The following TECRL variants were observed in gnomAD, a reference collection of about 807,000 sequenced individuals.
TECRL encodes trans-2,3-enoyl-CoA reductase-like.
A neutral mutation model predicts 52.8 loss-of-function variants in TECRL; 63 were observed. The observed-to-expected ratio is 1.19, with a 90% CI of 0.97 to 1.47. TECRL has a LOEUF of 1.47. Among genes scored for constraint, TECRL ranks in the 40% most tolerant of loss-of-function variants. The pLI is 0.00. For missense variants in TECRL, 482 were observed against 429.6 expected (o/e 1.12, Z -1.08); for synonymous variants, 164 against 141.9 (o/e 1.16, Z -1.10).
chr4:64,334,878 G>A (rs1403204112), intron 2 of TECRL, among the ~76,000 whole-genome samples: 1 of 152,196 alleles, frequency 6.6e-6, no homozygotes, highest in African/African-American at 2.4e-5. Context: ...TGTAACCAGT[G>A]TGCTCACTGA....
At chr4:64,332,487 C>G (rs542855971) in intron 2 of TECRL, among the ~76,000 whole-genome samples, 1 of 152,078 alleles carries the variant, frequency 6.6e-6, no homozygotes, top group South Asian at 2.1e-4. Flanking sequence ...ATATATAATA[C>G]CAGGCCTCAA....
rs190727423 is a variant in TECRL, at chr4:64,382,529, C to T, written c.235-7306G>A. 9.6e-3 allele frequency among the ~76,000 whole-genome samples: 1,449 copies of T among 151,196 alleles called. 23 individuals carry two copies. The highest frequency in any genetic ancestry group is 0.033 in the African/African-American group (1,378 of 41,250). On this transcript the variant is annotated intron_variant, in intron 1 of 11. Transcript: ENST00000381210. ...TCAAATTTAACTAACTTAGCTAATCCTGTCTTCTTTTGGTTTTCGTTTGTA... is the reference window on the plus strand; with the variant it reads ...TCAAATTTAACTAACTTAGCTAATCTTGTCTTCTTTTGGTTTTCGTTTGTA...
intron 3 of TECRL, among the ~76,000 whole-genome samples, chr4:64,325,412 A>G (rs1718196724): frequency 6.6e-6 from 1 of 152,216 alleles, no homozygotes; most frequent in Non-Finnish European, 1.5e-5. Flanking sequence ...AGAAGATGGA[A>G]GTGGCTTTTT....
At chr4:64,297,489 C>T (rs1723755070) in intron 8 of TECRL, among the ~76,000 whole-genome samples, 2 of 150,820 alleles carry the variant, frequency 1.3e-5, no homozygotes, top group Admixed American at 6.6e-5. Flanking sequence ...GGTTGAATTG[C>T]ATATTATATA....
intron 2 of TECRL, among the ~76,000 whole-genome samples, chr4:64,358,720 C>T (rs979397880): frequency 1.3e-5 from 2 of 151,636 alleles, no homozygotes; most frequent in African/African-American, 4.8e-5. Context: ...ACATAACATA[C>T]ACAAATTGAA....
intron 1 of TECRL, among the ~76,000 whole-genome samples, chr4:64,392,188 C>T (rs1398834377): frequency 6.6e-6 from 1 of 151,860 alleles, no homozygotes; most frequent in Admixed American, 6.6e-5. Context: ...TAGGTTCTTC[C>T]AGCTTCGGTC....
intron 8 of TECRL, among the ~76,000 whole-genome samples, chr4:64,296,473 A>C (rs1723687785): frequency 6.6e-6 from 1 of 151,834 alleles, no homozygotes; most frequent in South Asian, 2.1e-4. Flanking sequence ...CAGAGGCAAA[A>C]CTAGGGAAAA....
chr4:64,307,014 T>C (rs1200921136), intron 6 of TECRL, among the ~76,000 whole-genome samples: 3 of 152,166 alleles, frequency 2.0e-5, no homozygotes, highest in Non-Finnish European at 2.9e-5. Context: ...CCTAATTCCC[T>C]GGTTACTAGC....
intron 9 of TECRL, among the ~76,000 whole-genome samples, chr4:64,288,363 C>G (rs1458595719): frequency 6.6e-6 from 1 of 152,044 alleles, no homozygotes; most frequent in Non-Finnish European, 1.5e-5. Context: ...AAAGCTGATC[C>G]TCTTAACAAC....
At chr4:64,280,953 C>T (rs1413707893) in intron 11 of TECRL, 88 bp downstream of exon 11, 9 of 900,226 alleles carry the variant, frequency 1.0e-5, no homozygotes, top group Non-Finnish European at 1.6e-5. Flanking sequence ...TCATGCTATA[C>T]TTTAGTACTA....
intron 8 of TECRL, among the ~76,000 whole-genome samples, chr4:64,297,592 A>G (rs1318062176): frequency 6.6e-6 from 1 of 151,162 alleles, no homozygotes; most frequent in Non-Finnish European, 1.5e-5. Context: ...AGTACATAGT[A>G]GAATATAATT....
chr4:64,352,933 C>A (rs1281676231), intron 2 of TECRL, among the ~76,000 whole-genome samples: 1 of 152,086 alleles, frequency 6.6e-6, no homozygotes, highest in African/African-American at 2.4e-5. Flanking sequence ...GCTACCCAGG[C>A]TGGTGAACAT....
chr4:64,393,624 C>T (rs1723708237), intron 1 of TECRL, among the ~76,000 whole-genome samples: 4 of 151,944 alleles, frequency 2.6e-5, no homozygotes, highest in Middle Eastern at 6.8e-3. Flanking sequence ...GAGTTCATAG[C>T]TTTCCCATTT....
intron 2 of TECRL, among the ~76,000 whole-genome samples, chr4:64,363,024 A>G (rs369919702): frequency 6.6e-6 from 1 of 152,248 alleles, no homozygotes; most frequent in African/African-American, 2.4e-5. Flanking sequence ...AAAAAAAAAA[A>G]AAGAAGTGGT....
Position 64,278,191 on chromosome 4 carries a change from A to G in TECRL, c.*1881T>C, listed in dbSNP as rs892934329. 6.6e-6 allele frequency: 1 copy of G among 151,710 alleles called. No homozygotes were observed. The highest frequency in any genetic ancestry group is 1.5e-5 in the Non-Finnish European group (1 of 67,760). 9.4% of individuals were successfully genotyped at this position (151,710 alleles called of 1,614,324 possible). A position where few individuals can be genotyped will look rare whatever the true frequency, so the allele number is the denominator to read the frequency against. ...AAATATATATTTAGAATGATTTTCA[A>G]ATAATCTACAGAAAATATTTTAATT... is the stretch of plus-strand genomic sequence containing the variant. On this transcript the variant is annotated 3_prime_UTR_variant, in exon 12 of 12. Coordinates refer to ENST00000381210, the MANE Select transcript of TECRL (RefSeq NM_001010874.5).
rs1024791974 is a variant in TECRL, at chr4:64,281,368, A to G, written c.918+106T>C. The G allele has an allele frequency of 4.2e-6, 3 of 707,566 alleles. No individual in the cohort carries two copies. The African/African-American group carries it at 5.5e-5, about 13-fold the overall frequency. The allele number at this position is 707,566 out of a possible 1,614,324, so 43.8% of individuals were successfully genotyped here. The stretch of plus-strand genomic sequence containing the variant: ...ACCATGATCTGTGGATAAGACCTCT[A>G]TATTTTTCCTGTATATATTAATTTA... On this transcript the variant is annotated intron_variant, in intron 10 of 11. Transcript: ENST00000381210.
At chr4:64,328,614 A>T in intron 2 of TECRL, 58 bp from the exon 3 acceptor site, 1 of 1,450,992 alleles carries the variant, frequency 6.9e-7, no homozygotes, top group Non-Finnish European at 9.6e-7. Context: ...AGCTTATAAA[A>T]CTAACTGTTT....
chr4:64,335,097 G>A (rs945858685), intron 2 of TECRL, among the ~76,000 whole-genome samples: 4 of 152,084 alleles, frequency 2.6e-5, no homozygotes, highest in South Asian at 2.1e-4. Flanking sequence ...TTAAGGCAGG[G>A]GTCTCCAACC....
chr4:64,289,980 T>C (rs1159514415), intron 8 of TECRL, among the ~76,000 whole-genome samples: 1 of 152,172 alleles, frequency 6.6e-6, no homozygotes, highest in Non-Finnish European at 1.5e-5. Context: ...CACAACAAGT[T>C]GGAAATTCTG....
Sources: allele counts gnomAD v4.1 joint callset (sites outside exome capture counted in the v4.1 genomes callset), GRCh38; gene constraint gnomAD v4.1.1; transcripts MANE v1.5; gene names NCBI Gene and HGNC (gene_info 2026-07-23, HGNC 2026-07-21).